Variants in PAK3 observed in about 807,000 individuals in gnomAD.
PAK3 encodes the protein serine/threonine-protein kinase PAK 3.
PAK3 carries 4 observed loss-of-function variants against 41.0 expected under a neutral mutation model. The ratio of observed to expected loss-of-function variants is 0.10; its 90% CI spans 0.05 to 0.22. PAK3 has a LOEUF of 0.22. Among genes scored for constraint, PAK3 ranks in the 10% least tolerant of loss-of-function variants. PAK3 has a pLI of 1.00. For synonymous variants in PAK3, 146 were observed against 139.6 expected (o/e 1.05, Z -0.32); for missense variants, 205 against 409.9 (o/e 0.50, Z 4.32).
Position 111,016,058 on chromosome X carries a change from A to G in PAK3, c.-28+71430A>G, listed in dbSNP as rs139030975. Among the ~76,000 whole-genome samples the G allele has an allele frequency of 4.2e-4, 47 of 112,521 alleles. 4 individuals are homozygous for G. In the East Asian group the frequency reaches 0.012, roughly 29 times the overall value. On this transcript the variant is annotated intron_variant, in intron 1 of 14. Transcript: ENST00000425146. ...GAAACTCAAAGCTTTCCAAAGGTACAGTGCATGATTCCTCTTGTGTTGTCT... is the reference window on the plus strand; with the variant it reads ...GAAACTCAAAGCTTTCCAAAGGTACGGTGCATGATTCCTCTTGTGTTGTCT...
At chrX:111,130,751 C>T (rs2093705998) in intron 5 of PAK3, among the ~76,000 whole-genome samples, 1 of 112,125 alleles carries the variant, frequency 8.9e-6, no homozygotes, top group Non-Finnish European at 1.9e-5. Flanking sequence ...TAGGTCTAAA[C>T]ATAGTCACCC....
intron 3 of PAK3, among the ~76,000 whole-genome samples, chrX:111,102,658 TCA>T (rs1376843450): frequency 3.6e-5 from 4 of 112,552 alleles, no homozygotes; most frequent in Non-Finnish European, 7.5e-5. Flanking sequence ...CCATTGTCTC[TCA>T]GTTTCCTTTT....
At chrX:111,055,512 G>A (rs1297766163) in intron 1 of PAK3, among the ~76,000 whole-genome samples, 1 of 112,120 alleles carries the variant, frequency 8.9e-6, no homozygotes, top group Non-Finnish European at 1.9e-5. Flanking sequence ...ACCAAGATCT[G>A]TAATACAATT....
intron 4 of PAK3, among the ~76,000 whole-genome samples, chrX:111,115,456 TC>T (rs761307848): frequency 1.4e-3 from 152 of 111,943 alleles, no homozygotes; most frequent in African/African-American, 4.7e-3. Context: ...TAAATGTTTA[TC>T]CCCCACCATT....
Position 111,110,103 on chromosome X carries a change from T to C in PAK3, c.-28+6797T>C, listed in dbSNP as rs147183105. On this transcript the variant is annotated intron_variant, in intron 4 of 17. Transcript: ENST00000372007. ...CCTAAGTAACTTTTAGCAGAGTGCGTGGGCCATGATAAGATTTCAGTGAAT... is the reference window on the plus strand; with the variant it reads ...CCTAAGTAACTTTTAGCAGAGTGCGCGGGCCATGATAAGATTTCAGTGAAT... 9.1e-3 allele frequency among the ~76,000 whole-genome samples: 1,019 copies of C among 112,353 alleles called. 12 individuals are homozygous for C. Among genetic ancestry groups the C allele is most frequent in the African/African-American group, 0.03 (942 of 30,964 alleles).
chrX:111,025,839 C>CA (rs374978131), intron 1 of PAK3, among the ~76,000 whole-genome samples: 1,905 of 79,319 alleles, frequency 0.024, 26 homozygotes, highest in African/African-American at 0.055. Context: ...AAGGATATAA[C>CA]AAAAAAAAAA....
At chrX:111,027,948 A>T (rs2092292867) in intron 1 of PAK3, among the ~76,000 whole-genome samples, 1 of 106,273 alleles carries the variant, frequency 9.4e-6, no homozygotes, top group African/African-American at 3.4e-5. Flanking sequence ...GTGGATAAAG[A>T]AAATGTGATA....
intron 1 of PAK3, among the ~76,000 whole-genome samples, chrX:111,072,420 A>T (rs915554150): frequency 8.9e-6 from 1 of 112,803 alleles, no homozygotes; most frequent in African/African-American, 3.2e-5. Flanking sequence ...GTCAATTCAC[A>T]ACAAGTTTTG....
chrX:111,025,281 A>G (rs2092253129), intron 1 of PAK3, among the ~76,000 whole-genome samples: 1 of 111,238 alleles, frequency 9.0e-6, no homozygotes, highest in Admixed American at 9.7e-5. Flanking sequence ...AGAAGCAAAG[A>G]AATAACGAAG....
intron 1 of PAK3, among the ~76,000 whole-genome samples, chrX:110,999,061 C>T (rs2091798808): frequency 9.0e-6 from 1 of 111,551 alleles, no homozygotes. Context: ...CTGTAAGAAT[C>T]AGGTGCAGCC....
intron 4 of PAK3, among the ~76,000 whole-genome samples, chrX:111,121,485 G>A (rs1009766783): frequency 8.9e-6 from 1 of 111,846 alleles, no homozygotes; most frequent in Admixed American, 9.5e-5. Flanking sequence ...CTAACATGAT[G>A]TAACTTAGAG....
chrX:111,075,042 C>T lies in PAK3; in HGVS notation c.-27-48035C>T, dbSNP rs766738955. On this transcript the variant is annotated intron_variant, in intron 1 of 14. Coordinates refer to the PAK3 transcript ENST00000425146. ...GCTTATAACATCCTACAATCAGATA[C>T]AGGAGCAACGAAATGACTTAAAGTT... Among the ~76,000 whole-genome samples the T allele has an allele frequency of 3.6e-5, 4 of 111,197 alleles. No individual in the cohort carries two copies. In the South Asian group the frequency reaches 1.2e-3, roughly 32 times the overall value.
At chrX:111,024,031 T>TA (rs2092233197) in intron 1 of PAK3, among the ~76,000 whole-genome samples, 1 of 112,200 alleles carries the variant, frequency 8.9e-6, no homozygotes, top group African/African-American at 3.2e-5. Context: ...TGTTAGGTCT[T>TA]ACATTTAAGT....
chrX:111,182,819 C>G (rs1224286157), intron 11 of PAK3, among the ~76,000 whole-genome samples: 1 of 111,473 alleles, frequency 9.0e-6, no homozygotes, highest in Non-Finnish European at 1.9e-5. Flanking sequence ...TTTCTAAAAA[C>G]TAACAGCAGT....
intron 16 of PAK3, among the ~76,000 whole-genome samples, chrX:111,198,513 G>A (rs2094640976): frequency 8.9e-6 from 1 of 111,751 alleles, no homozygotes; most frequent in African/African-American, 3.3e-5. Context: ...TATGATGAAG[G>A]GAAAGGATCC....
At chrX:111,029,409 G>A (rs781160810) in intron 1 of PAK3, among the ~76,000 whole-genome samples, 9 of 111,264 alleles carry the variant, frequency 8.1e-5, no homozygotes, top group African/African-American at 2.9e-4. Context: ...CTAATAGCCC[G>A]CCATTGACCA....
intron 1 of PAK3, among the ~76,000 whole-genome samples, chrX:110,982,235 G>A (rs1273125884): frequency 8.9e-6 from 1 of 111,735 alleles, no homozygotes; most frequent in African/African-American, 3.3e-5. Context: ...GCTGAAAATA[G>A]AACGATATAT....
intron 11 of PAK3, among the ~76,000 whole-genome samples, chrX:111,191,619 A>G (rs1176957167): frequency 8.9e-6 from 1 of 112,206 alleles, no homozygotes; most frequent in African/African-American, 3.2e-5. Context: ...CTCGGTTTCT[A>G]TACTAAAAGG....
chrX:111,021,959 C>T (rs189005146), intron 1 of PAK3, among the ~76,000 whole-genome samples: 164 of 110,822 alleles, frequency 1.5e-3, no homozygotes, highest in African/African-American at 4.0e-3. Context: ...TTCAAATTAA[C>T]CCAATCCATC....
Sources: gnomAD v4.1 joint callset for allele counts (sites outside exome capture counted in the v4.1 genomes callset) on GRCh38, gnomAD v4.1.1 for gene constraint, MANE v1.5 for transcripts, NCBI Gene and HGNC (gene_info 2026-07-23, HGNC 2026-07-21) for gene names.